The following DOK6 variants were observed in gnomAD, a reference collection of about 807,000 sequenced individuals.
DOK6 encodes docking protein 6.
A neutral mutation model predicts 44.0 loss-of-function variants in DOK6; 22 were observed. The ratio of observed to expected loss-of-function variants is 0.50; its 90% CI spans 0.36 to 0.71. The LOEUF (loss-of-function observed/expected upper bound fraction) is 0.71. Among genes scored for constraint, DOK6 ranks in the 30% least tolerant of loss-of-function variants. The pLI is 0.00. For synonymous variants in DOK6, 166 were observed against 145.5 expected (o/e 1.14, Z -1.01); for missense variants, 340 against 416.4 (o/e 0.82, Z 1.60).
chr18:69,605,899 AAGAG>A (rs1432940991), intron 3 of DOK6, among the ~76,000 whole-genome samples: 2 of 152,198 alleles, frequency 1.3e-5, no homozygotes, highest in Non-Finnish European at 1.5e-5. Flanking sequence ...TAAGGCAAGA[AAGAG>A]AAATAAAAGA....
At chr18:69,465,668 G>GGT (rs1325144065) in intron 1 of DOK6, among the ~76,000 whole-genome samples, 1 of 152,022 alleles carries the variant, frequency 6.6e-6, no homozygotes, top group Non-Finnish European at 1.5e-5. Flanking sequence ...AGTATTCCAT[G>GGT]GTGTATATGT....
chr18:69,419,034 TAC>T (rs757067969), intron 1 of DOK6, among the ~76,000 whole-genome samples: 2 of 152,148 alleles, frequency 1.3e-5, no homozygotes, highest in Non-Finnish European at 2.9e-5. Flanking sequence ...TTGTATAAGC[TAC>T]ATTTGCCCAT....
chr18:69,514,185 G>A (rs1030865348), intron 1 of DOK6, among the ~76,000 whole-genome samples: 1 of 151,348 alleles, frequency 6.6e-6, no homozygotes, highest in African/African-American at 2.4e-5. Flanking sequence ...ATTTCTCCAA[G>A]TACTTTTTAC....
At chr18:69,594,094 A>G (rs191019621) in intron 2 of DOK6, among the ~76,000 whole-genome samples, 1 of 152,322 alleles carries the variant, frequency 6.6e-6, no homozygotes, top group African/African-American at 2.4e-5. Context: ...AATGTGCTTA[A>G]AATACAACCC....
At chr18:69,408,467 C>T (rs1480810632) in intron 1 of DOK6, among the ~76,000 whole-genome samples, 2 of 150,442 alleles carry the variant, frequency 1.3e-5, no homozygotes, top group Non-Finnish European at 1.5e-5. Context: ...GAGCACCTTT[C>T]AAAATTTACA....
intron 1 of DOK6, among the ~76,000 whole-genome samples, chr18:69,515,930 T>A (rs2144560462): frequency 6.6e-6 from 1 of 152,360 alleles, no homozygotes; most frequent in Non-Finnish European, 1.5e-5. Context: ...CATGCATTTT[T>A]AAACTCTTGA....
intron 4 of DOK6, among the ~76,000 whole-genome samples, chr18:69,689,050 G>T (rs192851134): frequency 6.6e-6 from 1 of 152,116 alleles, no homozygotes; most frequent in African/African-American, 2.4e-5. Flanking sequence ...TCAAGAAAGT[G>T]CCATCAAAAA....
At chr18:69,800,952 G>T (rs930506441) in intron 7 of DOK6, among the ~76,000 whole-genome samples, 6 of 152,018 alleles carry the variant, frequency 3.9e-5, no homozygotes, top group African/African-American at 1.4e-4. Context: ...AGCCACCAAA[G>T]AAAATTTGGA....
intron 1 of DOK6, among the ~76,000 whole-genome samples, chr18:69,440,514 A>G (rs968128055): frequency 6.6e-6 from 1 of 152,158 alleles, no homozygotes; most frequent in African/African-American, 2.4e-5. Context: ...CGGAGTAGCC[A>G]TGAGTCTGTT....
At chr18:69,574,370 A>G (rs1983188635) in intron 2 of DOK6, among the ~76,000 whole-genome samples, 1 of 152,056 alleles carries the variant, frequency 6.6e-6, no homozygotes, top group Non-Finnish European at 1.5e-5. Flanking sequence ...CTGATGAAGT[A>G]AGGTTTATAA....
chr18:69,477,833 C>T (rs17765723), intron 1 of DOK6, among the ~76,000 whole-genome samples: 66,526 of 151,936 alleles, frequency 0.44, 15,203 homozygotes, highest in Middle Eastern at 0.55. Context: ...ATCAGGTTTT[C>T]GTATCCGTTA....
At chr18:69,583,124 T>G (rs1983408011) in intron 2 of DOK6, among the ~76,000 whole-genome samples, 1 of 152,240 alleles carries the variant, frequency 6.6e-6, no homozygotes, top group South Asian at 2.1e-4. Flanking sequence ...ACATATGTAC[T>G]ACAGATGGTT....
intron 3 of DOK6, among the ~76,000 whole-genome samples, chr18:69,640,387 A>C (rs924391435): frequency 1.3e-5 from 2 of 152,208 alleles, no homozygotes; most frequent in Non-Finnish European, 2.9e-5. Context: ...GTATAAAAAA[A>C]GTGCTTGCAA....
chr18:69,831,737 G>A (rs1263846637), intron 7 of DOK6, among the ~76,000 whole-genome samples: 1 of 152,140 alleles, frequency 6.6e-6, no homozygotes, highest in Non-Finnish European at 1.5e-5. Context: ...AGCACTCTAG[G>A]AGAGCACAGT....
chr18:69,670,930 TTG>T (rs1200831899), intron 3 of DOK6, among the ~76,000 whole-genome samples: 3 of 152,134 alleles, frequency 2.0e-5, no homozygotes, highest in Non-Finnish European at 4.4e-5. Flanking sequence ...CTTTTTAAGC[TTG>T]TAATTTTTAA....
intron 6 of DOK6, among the ~76,000 whole-genome samples, chr18:69,754,530 C>T (rs891922809): frequency 2.3e-4 from 35 of 152,110 alleles, no homozygotes; most frequent in African/African-American, 8.0e-4. Flanking sequence ...TATTAGTTTG[C>T]TCAGCCTGCT....
At chr18:69,728,881 C>T (rs558673178) in intron 5 of DOK6, among the ~76,000 whole-genome samples, 2 of 152,200 alleles carry the variant, frequency 1.3e-5, no homozygotes, top group East Asian at 1.9e-4. Flanking sequence ...ATTTAAAATA[C>T]AATTTTTATT....
intron 1 of DOK6, among the ~76,000 whole-genome samples, chr18:69,443,007 C>T (rs1038807787): frequency 3.3e-5 from 5 of 152,152 alleles, no homozygotes; most frequent in Non-Finnish European, 7.4e-5. Flanking sequence ...TTGCTTCACA[C>T]TCATTTTATC....
chr18:69,472,674 A>T (rs1362707717), intron 1 of DOK6, among the ~76,000 whole-genome samples: 1 of 152,110 alleles, frequency 6.6e-6, no homozygotes, highest in East Asian at 1.9e-4. Flanking sequence ...TCACATACAC[A>T]CAAGCACGCA....
Sources: allele counts gnomAD v4.1 joint callset (sites outside exome capture counted in the v4.1 genomes callset), GRCh38; gene constraint gnomAD v4.1.1; transcripts MANE v1.5; gene names NCBI Gene and HGNC (gene_info 2026-07-23, HGNC 2026-07-21).